The following FBN1 variants were observed in gnomAD, a reference collection of about 807,000 sequenced individuals.
FBN1 encodes the protein fibrillin 1.
In FBN1, 29 loss-of-function variants were observed where a neutral mutation model predicts 365.1. The observed-to-expected ratio is 0.08, with a 90% CI of 0.06 to 0.11. The LOEUF (loss-of-function observed/expected upper bound fraction) is 0.11. FBN1 is among the 10% of genes least tolerant of loss of function. FBN1 has a pLI of 1.00. For synonymous variants in FBN1, 1,210 were observed against 1,270.5 expected, an observed-to-expected ratio of 0.95 and a Z score of 1.01; for missense variants, 2,476 against 3,703.2, an observed-to-expected ratio of 0.67 and a Z score of 8.60.
At chr15:48,412,820 G>A in intron 64 of FBN1, 77 bp from the exon 65 acceptor site, 4 of 1,552,034 alleles carry the variant, frequency 2.6e-6, no homozygotes, top group Non-Finnish European at 3.5e-6. Flanking sequence ...TTCTGGTGAA[G>A]CCTGTTCCTT....
intron 62 of FBN1, 118 bp downstream of exon 62, chr15:48,421,440 T>A: frequency 8.1e-7 from 1 of 1,236,416 alleles, no homozygotes; most frequent in South Asian, 1.3e-5. Flanking sequence ...TTTAGCTGAG[T>A]GCCCCCCTGG....
intron 55 of FBN1, 127 bp downstream of exon 55, chr15:48,432,739 C>T: frequency 8.0e-7 from 1 of 1,257,430 alleles, no homozygotes; most frequent in Non-Finnish European, 1.1e-6. Context: ...AGTGACAACC[C>T]CCGTATTGTC....
intron 6 of FBN1, among the ~76,000 whole-genome samples, chr15:48,539,823 T>TAAG (rs930776586): frequency 6.6e-6 from 1 of 152,178 alleles, no homozygotes; most frequent in Non-Finnish European, 1.5e-5. Context: ...GTTTATGCAT[T>TAAG]TCTTACTCTA....
chr15:48,544,882 A>T (rs1293610077), intron 6 of FBN1, among the ~76,000 whole-genome samples: 1 of 152,224 alleles, frequency 6.6e-6, no homozygotes, highest in Non-Finnish European at 1.5e-5. Flanking sequence ...GAATCGGTAA[A>T]GTCAAATCAT....
At chr15:48,497,237 T>C (rs747780295) in intron 19 of FBN1, 29 bp downstream of exon 19, 2 of 1,613,960 alleles carry the variant, frequency 1.2e-6, no homozygotes, top group South Asian at 2.2e-5. Flanking sequence ...ATGCAGGCAA[T>C]GTTTCAGAAA....
At chr15:48,447,489 G>T (rs1201898065) in intron 46 of FBN1, among the ~76,000 whole-genome samples, 1 of 152,112 alleles carries the variant, frequency 6.6e-6, no homozygotes, top group Non-Finnish European at 1.5e-5. Flanking sequence ...TGATGATTTT[G>T]TAAAGCTACT....
intron 57 of FBN1, chr15:48,428,113 C>A: frequency 1.5e-6 from 1 of 645,676 alleles, no homozygotes; most frequent in East Asian, 2.8e-5. Flanking sequence ...CAAAGGCAGC[C>A]AAGAAATTCC....
At chr15:48,608,555 G>T (rs1055603936) in intron 4 of FBN1, among the ~76,000 whole-genome samples, 7 of 152,138 alleles carry the variant, frequency 4.6e-5, no homozygotes, top group African/African-American at 1.7e-4. Flanking sequence ...AAGCCATTTA[G>T]ACAATATTAG....
rs2043870953 is a variant in FBN1 at position 48,522,848 on chromosome 15, T to C, written c.989-2031A>G. Among the ~76,000 whole-genome samples the C allele has an allele frequency of 2.6e-5, 4 of 152,222 alleles. 1 individual carries two copies. The highest frequency in any genetic ancestry group is 1.3e-4 in the Admixed American group (2 of 15,286). ...ACTTAAAACCACTAGCCAGTATAAA[T>C]GTGCTTTCCAGAATTTTTTTGTGGT... On this transcript the variant is annotated intron_variant, in intron 9 of 65. Transcript: ENST00000316623.
At chr15:48,512,311 G>A (rs1566915852) in intron 13 of FBN1, among the ~76,000 whole-genome samples, 3 of 152,100 alleles carry the variant, frequency 2.0e-5, no homozygotes, top group Non-Finnish European at 4.4e-5. Flanking sequence ...TATAAACCTC[G>A]CTATCTTTTA....
Position 48,411,346 on chromosome 15 carries a change from C to G in FBN1, c.8260G>C (p.Ala2754Pro). ...QSETEANVSL[A>P]SWDVEKTAIF... ...GCTGTCTTCTCAACATCCCAACTTGCAAGACTCACATTGGCTTCTGTCTCA... is the reference window on the plus strand; with the variant it reads ...GCTGTCTTCTCAACATCCCAACTTGGAAGACTCACATTGGCTTCTGTCTCA... The change falls in exon 66 of 66, where the codon GCA becomes CCA. Residue 2754 changes from alanine (A) to proline (P), a missense_variant. Physicochemically the swap from Ala to Pro is conservative, Grantham distance 27. Around this residue, in one of 5 missense-constraint regions of FBN1, gnomAD observed 177 missense variants for 192.7 expected, o/e 0.92. Coordinates refer to ENST00000316623, the MANE Select transcript of FBN1 (RefSeq NM_000138.5). 6.2e-7 allele frequency: 1 copy of G among 1,614,054 alleles called. No individual in the cohort carries two copies. The highest frequency in any genetic ancestry group is 8.5e-7 in the Non-Finnish European group (1 of 1,179,998).
At chr15:48,517,026 C>A (rs571924536) in intron 10 of FBN1, among the ~76,000 whole-genome samples, 2 of 152,206 alleles carry the variant, frequency 1.3e-5, no homozygotes, top group East Asian at 3.9e-4. Context: ...GAGCTCAGGA[C>A]ACAAGAAGTC....
intron 63 of FBN1, among the ~76,000 whole-genome samples, chr15:48,416,226 T>C (rs2042902646): frequency 6.6e-6 from 1 of 152,168 alleles, no homozygotes; most frequent in Admixed American, 6.5e-5. Context: ...GACAAATCTC[T>C]CAAAAGCAGA....
intron 27 of FBN1, 80 bp from the exon 28 acceptor site, chr15:48,487,517 C>CAA: frequency 6.4e-7 from 1 of 1,573,328 alleles, no homozygotes; most frequent in Non-Finnish European, 8.7e-7. Flanking sequence ...CCACCCATTG[C>CAA]TGGGTGTCCA....
chr15:48,450,884 T>C (rs1338299861), intron 45 of FBN1, among the ~76,000 whole-genome samples: 2 of 152,038 alleles, frequency 1.3e-5, no homozygotes, highest in African/African-American at 2.4e-5. Flanking sequence ...ATGCCAAGTA[T>C]AGAATAGCAT....
rs573621687 is a variant in FBN1, at chr15:48,601,056, T to C, written c.347-822A>G. 9.2e-5 allele frequency among the ~76,000 whole-genome samples: 14 copies of C among 152,328 alleles called. No individual in the cohort carries two copies. In the South Asian group the frequency reaches 2.9e-3, roughly 32 times the overall value. ...GACGACAGGGACAGCTGGATTTGCC[T>C]GAGAAAGAGCTGCTTGTTTAAACTG... is the stretch of plus-strand genomic sequence containing the variant. On this transcript the variant is annotated intron_variant, in intron 4 of 65. Transcript: ENST00000316623.
chr15:48,525,386 C>G (rs1248049396), intron 9 of FBN1, among the ~76,000 whole-genome samples: 1 of 152,198 alleles, frequency 6.6e-6, no homozygotes, highest in Non-Finnish European at 1.5e-5. Context: ...CTACTGCGCC[C>G]AGCCAAATCT....
chr15:48,522,054 G>A (rs1267453483), intron 9 of FBN1, among the ~76,000 whole-genome samples: 1 of 152,168 alleles, frequency 6.6e-6, no homozygotes, highest in Non-Finnish European at 1.5e-5. Context: ...CTCATAGGAT[G>A]GTGAACCCTA....
At chr15:48,423,040 C>G (rs11636344) in intron 60 of FBN1, among the ~76,000 whole-genome samples, 19,278 of 152,226 alleles carry the variant, frequency 0.13, 1,458 homozygotes, top group African/African-American at 0.21. Flanking sequence ...CAATAAAACC[C>G]TCTGCTTTGA....
Sources: gnomAD v4.1 joint callset for allele counts (sites outside exome capture counted in the v4.1 genomes callset) on GRCh38, gnomAD v4.1.1 for gene constraint, gnomAD v4.1.1 regional missense constraint, MANE v1.5 for transcripts, NCBI Gene and HGNC (gene_info 2026-07-23, HGNC 2026-07-21) for gene names.